Variants in CNOT6 observed in about 807,000 individuals in gnomAD.
CNOT6 encodes carbon catabolite repression 4 protein.
Under a neutral mutation model 61.2 loss-of-function variants are expected in CNOT6, and 12 were observed. The observed-to-expected ratio is 0.20, with a 90% confidence interval of 0.13 to 0.32. CNOT6 has a LOEUF of 0.32. CNOT6 is among the 10% of genes least tolerant of loss of function. The probability of loss-of-function intolerance (pLI) is 1.00; values close to 1 mark genes in which losing one functional copy is unlikely to be tolerated. For missense variants in CNOT6, 405 were observed against 663.9 expected (o/e 0.61, Z 4.28); for synonymous variants, 225 against 240.6 (o/e 0.94, Z 0.60).
At chr5:180,565,799 G>A in intron 6 of CNOT6, 21 bp from the exon 7 acceptor site, 1 of 1,544,934 alleles carries the variant, frequency 6.5e-7, no homozygotes, top group Non-Finnish European at 8.8e-7. Flanking sequence ...GTGTGAATAA[G>A]TAAAGTTATC....
chr5:180,503,865 A>G (rs954361061), intron 1 of CNOT6, among the ~76,000 whole-genome samples: 3 of 151,886 alleles, frequency 2.0e-5, no homozygotes, highest in Admixed American at 6.6e-5. Context: ...TTAGCCTCCC[A>G]AAGTGCTGGG....
intron 1 of CNOT6, among the ~76,000 whole-genome samples, chr5:180,509,219 C>T (rs1757273122): frequency 6.6e-6 from 1 of 152,194 alleles, no homozygotes; most frequent in South Asian, 2.1e-4. Flanking sequence ...GCAACCTCCG[C>T]CTCCTGGGCT....
intron 1 of CNOT6, among the ~76,000 whole-genome samples, chr5:180,498,349 C>T (rs933040410): frequency 7.9e-5 from 12 of 152,166 alleles, no homozygotes; most frequent in South Asian, 2.1e-4. Flanking sequence ...TTTGCCTTCT[C>T]ATAGTGTATA....
chr5:180,556,748 C>T (rs59133684), intron 4 of CNOT6, among the ~76,000 whole-genome samples: 2,241 of 152,224 alleles, frequency 0.015, 47 homozygotes, highest in African/African-American at 0.051. Flanking sequence ...GTCAGGGGAT[C>T]GAGACCATCC....
chr5:180,573,652 C>G (rs1357644812), intron 11 of CNOT6, among the ~76,000 whole-genome samples: 2 of 149,578 alleles, frequency 1.3e-5, no homozygotes, highest in Admixed American at 1.4e-4. Flanking sequence ...ACCTATAGGT[C>G]CCCTCACATC....
At position 180,538,686 on chromosome 5, in the gene CNOT6, GTATATATA is replaced by G. The variant is rs59342527; in HGVS notation, c.112+9321_112+9328del. On this transcript the variant is annotated intron_variant, in intron 2 of 11. Transcript: ENST00000261951. ...GAGCGAGACTCTGTCTGAGAAAAAG[GTATATATA>G]TATATATATATATATATATATACAA... is the stretch of plus-strand genomic sequence containing the variant. Among the ~76,000 whole-genome samples, 42 of 85,132 alleles carry G rather than the reference GTATATATA, an allele frequency of 4.9e-4. No homozygotes were observed. In the East Asian group the frequency reaches 5.1e-3, roughly 10 times the overall value. The allele number at this position is 85,132 out of a possible 152,430, so 55.8% of individuals were successfully genotyped here. A position where few individuals can be genotyped will look rare whatever the true frequency, so the allele number is the denominator to read the frequency against.
intron 2 of CNOT6, among the ~76,000 whole-genome samples, chr5:180,532,909 G>C (rs1758464315): frequency 6.6e-6 from 1 of 152,278 alleles, no homozygotes; most frequent in Non-Finnish European, 1.5e-5. Flanking sequence ...CAAGGTGTAG[G>C]GGAAAAAGTG....
intron 1 of CNOT6, among the ~76,000 whole-genome samples, chr5:180,514,627 G>T (rs1355310030): frequency 6.6e-6 from 1 of 152,238 alleles, no homozygotes; most frequent in Non-Finnish European, 1.5e-5. Context: ...TAAGAGAGTT[G>T]TAGTGTGAGT....
chr5:180,559,729 A>G (rs1760073984), intron 4 of CNOT6, among the ~76,000 whole-genome samples: 1 of 150,622 alleles, frequency 6.6e-6, no homozygotes, highest in South Asian at 2.1e-4. Flanking sequence ...TTCCATTTTG[A>G]TTTTTCTGTA....
intron 1 of CNOT6, among the ~76,000 whole-genome samples, chr5:180,504,350 G>T (rs1757029741): frequency 6.6e-6 from 1 of 152,164 alleles, no homozygotes; most frequent in Non-Finnish European, 1.5e-5. Flanking sequence ...AAGGGGAAAA[G>T]ACTAGTGGAT....
chr5:180,552,838 G>C (rs1236946014), intron 3 of CNOT6, among the ~76,000 whole-genome samples: 1 of 86,660 alleles, frequency 1.2e-5, no homozygotes, highest in African/African-American at 2.9e-5. Flanking sequence ...TACAGCTGCT[G>C]TTATTTTTTA....
At chr5:180,512,981 C>T (rs1359441653) in intron 1 of CNOT6, among the ~76,000 whole-genome samples, 6 of 151,902 alleles carry the variant, frequency 3.9e-5, no homozygotes, top group South Asian at 2.1e-4. Context: ...CTGCAAGCTC[C>T]GCCTCCTGGG....
intron 1 of CNOT6, among the ~76,000 whole-genome samples, chr5:180,526,330 C>T (rs1581500380): frequency 6.6e-6 from 1 of 152,030 alleles, no homozygotes; most frequent in Admixed American, 6.6e-5. Context: ...AGGAGGGAGG[C>T]ATAATGTGAT....
At chr5:180,505,168 G>A (rs1757068007) in intron 1 of CNOT6, among the ~76,000 whole-genome samples, 3 of 144,606 alleles carry the variant, frequency 2.1e-5, no homozygotes, top group Non-Finnish European at 4.5e-5. Flanking sequence ...CACCGTGTTA[G>A]CCATCCTGGT....
chr5:180,567,255 A>G lies in CNOT6; in HGVS notation c.872+13A>G. ...TCAAGACAGAAAAGTAAGTCATCTT[A>G]TTTTTTAAAAAGAACGTTTTCTCAG... On this transcript the variant is annotated intron_variant, in intron 8 of 11. Transcript: ENST00000261951. 6.3e-7 allele frequency: 1 copy of G among 1,593,506 alleles called. No individual in the cohort carries two copies. Among genetic ancestry groups the G allele is most frequent in the Non-Finnish European group, 8.5e-7 (1 of 1,174,176 alleles).
intron 1 of CNOT6, among the ~76,000 whole-genome samples, chr5:180,505,316 C>A (rs1757083029): frequency 8.7e-6 from 1 of 115,472 alleles, no homozygotes; most frequent in Non-Finnish European, 1.7e-5. Context: ...ACTGCAGTGG[C>A]GCGATCTCGG....
At chr5:180,536,171 ATT>A (rs35437079) in intron 2 of CNOT6, among the ~76,000 whole-genome samples, 1 of 149,972 alleles carries the variant, frequency 6.7e-6, no homozygotes. Flanking sequence ...AATTTTTTGT[ATT>A]TTTTTTTAGT....
intron 2 of CNOT6, among the ~76,000 whole-genome samples, chr5:180,536,627 T>C (rs1428402447): frequency 6.6e-6 from 1 of 151,998 alleles, no homozygotes; most frequent in Non-Finnish European, 1.5e-5. Context: ...TGTTTTGTTT[T>C]GGAGACAGGA....
At chr5:180,571,168 A>G (rs1290139745) in intron 10 of CNOT6, 62 bp from the exon 11 acceptor site, 8 of 1,175,166 alleles carry the variant, frequency 6.8e-6, no homozygotes, top group Non-Finnish European at 9.9e-6. Flanking sequence ...TTACTATTGC[A>G]TGATCTTTTA....
Sources: allele counts gnomAD v4.1 joint callset (sites outside exome capture counted in the v4.1 genomes callset), GRCh38; gene constraint gnomAD v4.1.1; transcripts MANE v1.5; gene names NCBI Gene and HGNC (gene_info 2026-07-23, HGNC 2026-07-21).